Variants in PRR16 observed in about 807,000 individuals in gnomAD.
PRR16 encodes protein Largen.
A neutral mutation model predicts 18.2 loss-of-function variants in PRR16; 6 were observed. The observed-to-expected ratio is 0.33, with a 90% CI of 0.18 to 0.65. The LOEUF is 0.65. PRR16 is among the 30% of genes least tolerant of loss of function. PRR16 has a pLI of 0.74. For synonymous variants in PRR16, 151 were observed against 147.8 expected, an observed-to-expected ratio of 1.02 and a Z score of -0.16; for missense variants, 412 against 376.6, an observed-to-expected ratio of 1.09 and a Z score of -0.78.
the PRR16 span, among the ~76,000 whole-genome samples, chr5:120,751,875 C>A: frequency 6.6e-6 from 1 of 151,948 alleles, no homozygotes; most frequent in East Asian, 1.9e-4. Flanking sequence ...TTTCAGTGTA[C>A]TTCTGGAATA....
At chr5:120,543,016 TTAC>T (rs1352888292) in intron 1 of PRR16, among the ~76,000 whole-genome samples, 1 of 152,178 alleles carries the variant, frequency 6.6e-6, no homozygotes, top group Non-Finnish European at 1.5e-5. Context: ...AATAGAGCCT[TTAC>T]TGAGGATTAT....
At chr5:120,793,667 G>C in the PRR16 span, among the ~76,000 whole-genome samples, 1 of 152,098 alleles carries the variant, frequency 6.6e-6, no homozygotes, top group African/African-American at 2.4e-5. Context: ...ACAGTACGAA[G>C]AGTAAAACAA....
intron 1 of PRR16, among the ~76,000 whole-genome samples, chr5:120,615,474 A>T (rs541852914): frequency 6.7e-6 from 1 of 150,004 alleles, no homozygotes; most frequent in South Asian, 2.1e-4. Context: ...GTATTAAAAT[A>T]GAGAAAATAG....
chr5:120,719,063 A>G, the PRR16 span, among the ~76,000 whole-genome samples: 1 of 152,078 alleles, frequency 6.6e-6, no homozygotes, highest in Non-Finnish European at 1.5e-5. Context: ...AATATGTCAT[A>G]ATTTTCTTCA....
the PRR16 span, among the ~76,000 whole-genome samples, chr5:120,765,119 A>G: frequency 7.1e-3 from 808 of 114,460 alleles, 6 homozygotes; most frequent in Middle Eastern, 0.034. Flanking sequence ...TAACACCATA[A>G]AAGAGAACAA....
At chr5:120,565,455 T>C (rs994337596) in intron 1 of PRR16, among the ~76,000 whole-genome samples, 2 of 152,174 alleles carry the variant, frequency 1.3e-5, no homozygotes, top group African/African-American at 2.4e-5. Context: ...TTAATCTGAT[T>C]AACCTTGCCT....
intron 1 of PRR16, among the ~76,000 whole-genome samples, chr5:120,487,808 T>G (rs10478468): frequency 0.017 from 2,650 of 152,260 alleles, 81 homozygotes; most frequent in African/African-American, 0.061. Context: ...TCTTATTATT[T>G]TGAGATACGT....
intron 1 of PRR16, among the ~76,000 whole-genome samples, chr5:120,649,228 T>G (rs575790159): frequency 6.6e-6 from 1 of 152,250 alleles, no homozygotes; most frequent in African/African-American, 2.4e-5. Flanking sequence ...TCTCCTATTA[T>G]TTTGAAGTTA....
At chr5:120,720,865 AG>A in the PRR16 span, among the ~76,000 whole-genome samples, 1 of 152,050 alleles carries the variant, frequency 6.6e-6, no homozygotes. Flanking sequence ...TGGGGTAAAA[AG>A]ATGGAATATT....
chr5:120,628,661 A>G (rs1754948093), intron 1 of PRR16, among the ~76,000 whole-genome samples: 1 of 142,414 alleles, frequency 7.0e-6, no homozygotes, highest in Non-Finnish European at 1.6e-5. Context: ...CTATCTATCT[A>G]CCTACCTATC....
chr5:120,524,555 G>T (rs1281917488), intron 1 of PRR16, among the ~76,000 whole-genome samples: 1 of 152,060 alleles, frequency 6.6e-6, no homozygotes, highest in Admixed American at 6.6e-5. Flanking sequence ...AGGGGAGGAA[G>T]TGGGGATGGT....
intron 1 of PRR16, among the ~76,000 whole-genome samples, chr5:120,489,460 G>A (rs1400074449): frequency 6.6e-6 from 1 of 152,122 alleles, no homozygotes; most frequent in Non-Finnish European, 1.5e-5. Flanking sequence ...TTTTATCAGA[G>A]ACTAGGATTG....
chr5:120,705,736 G>T, the PRR16 span, among the ~76,000 whole-genome samples: 1 of 152,026 alleles, frequency 6.6e-6, no homozygotes, highest in Admixed American at 6.6e-5. Flanking sequence ...TAATATGAAA[G>T]ATAGTAAGTG....
intron 1 of PRR16, among the ~76,000 whole-genome samples, chr5:120,674,116 C>A (rs1430089696): frequency 6.6e-6 from 1 of 152,082 alleles, no homozygotes; most frequent in South Asian, 2.1e-4. Context: ...CGCTACAGGG[C>A]CTCCTGAAAC....
At chr5:120,537,846 G>A (rs1458600926) in intron 1 of PRR16, among the ~76,000 whole-genome samples, 4 of 146,700 alleles carry the variant, frequency 2.7e-5, no homozygotes, top group African/African-American at 1.0e-4. Context: ...GCGGGATCTC[G>A]GCTCAATGCA....
chr5:120,784,568 C>A, the PRR16 span, among the ~76,000 whole-genome samples: 3 of 151,906 alleles, frequency 2.0e-5, no homozygotes, highest in Non-Finnish European at 1.5e-5. Context: ...AACTCAATAA[C>A]CAGAATATGT....
intron 1 of PRR16, among the ~76,000 whole-genome samples, chr5:120,497,230 A>G (rs928849809): frequency 2.0e-5 from 3 of 151,784 alleles, no homozygotes; most frequent in Admixed American, 2.0e-4. Flanking sequence ...GGCTCATGGT[A>G]CTGTTTACTT....
intron 1 of PRR16, among the ~76,000 whole-genome samples, chr5:120,470,966 T>C (rs1488200147): frequency 6.6e-6 from 1 of 152,168 alleles, no homozygotes; most frequent in African/African-American, 2.4e-5. Flanking sequence ...AATTCTCAAT[T>C]CATATTGCCA....
rs1056666241 is a variant in PRR16 at position 120,655,406 on chromosome 5, TA to T, written c.160-30547del. 5.9e-5 allele frequency among the ~76,000 whole-genome samples: 9 copies of T among 151,396 alleles called. No individual in the cohort carries two copies. The Middle Eastern group carries it at 0.01, about 172-fold the overall frequency. ...TTTTTTTTAAAAAAAAAGAGGTTTT[TA>T]TGGTCCCTAATAGTTTAGCGTCAAA... is the stretch of plus-strand genomic sequence containing the variant. On this transcript the variant is annotated intron_variant, in intron 1 of 1. Coordinates refer to ENST00000407149, the MANE Select transcript of PRR16 (RefSeq NM_001300783.2).
Sources: allele counts gnomAD v4.1 joint callset (sites outside exome capture counted in the v4.1 genomes callset), GRCh38; gene constraint gnomAD v4.1.1; transcripts MANE v1.5; gene names NCBI Gene and HGNC (gene_info 2026-07-23, HGNC 2026-07-21).